The following THSD7B variants were observed in gnomAD, a reference collection of about 807,000 sequenced individuals.
THSD7B encodes the protein thrombospondin type-1 domain-containing protein 7B.
A neutral mutation model predicts 213.6 loss-of-function variants in THSD7B; 138 were observed. The ratio of observed to expected loss-of-function variants is 0.65; its 90% CI spans 0.56 to 0.74. THSD7B has a LOEUF of 0.74. THSD7B is among the 30% of genes least tolerant of loss of function. THSD7B has a pLI of 0.00. For synonymous variants in THSD7B, 742 were observed against 687.0 expected (o/e 1.08, Z -1.25); for missense variants, 1,931 against 1,991.5 (o/e 0.97, Z 0.58).
chr2:137,532,567 A>T (rs1288601926), intron 15 of THSD7B, among the ~76,000 whole-genome samples: 3 of 151,848 alleles, frequency 2.0e-5, no homozygotes, highest in African/African-American at 7.2e-5. Context: ...AGTGCAAAAA[A>T]TTAAATGATT....
chr2:137,182,479 G>A (rs1166173703), intron 7 of THSD7B, among the ~76,000 whole-genome samples: 1 of 151,920 alleles, frequency 6.6e-6, no homozygotes, highest in African/African-American at 2.4e-5. Flanking sequence ...GTATGAAGCT[G>A]CCTATAGTGT....
At chr2:136,788,238 G>A (rs561375274) in intron 1 of THSD7B, among the ~76,000 whole-genome samples, 12 of 152,196 alleles carry the variant, frequency 7.9e-5, no homozygotes, top group African/African-American at 1.2e-4. Context: ...AGCTACTAGA[G>A]TTATGCATAC....
chr2:137,067,399 C>A (rs1687402391), intron 3 of THSD7B, among the ~76,000 whole-genome samples: 2 of 151,986 alleles, frequency 1.3e-5, no homozygotes, highest in East Asian at 1.9e-4. Flanking sequence ...CTTTGGTGTC[C>A]TTGTTTTTGT....
Position 137,371,284 on chromosome 2 carries a change from G to A in THSD7B, c.2501-34329G>A, listed in dbSNP as rs1477636187. Among the ~76,000 whole-genome samples, 3 of 152,048 alleles carry A rather than the reference G, an allele frequency of 2.0e-5. No homozygotes were observed. The East Asian group carries it at 5.8e-4, about 29-fold the overall frequency. ...GCAGGTTTCTGAGAAAGGATGTGGA[G>A]GTAAAATTTTTCTAATCACGAATAT... On this transcript the variant is annotated intron_variant, in intron 12 of 27. Transcript: ENST00000409968.
intron 2 of THSD7B, among the ~76,000 whole-genome samples, chr2:136,919,264 C>T (rs756240483): frequency 4.6e-5 from 7 of 152,182 alleles, no homozygotes; most frequent in Non-Finnish European, 8.8e-5. Context: ...AGTAATATCA[C>T]GGAGTATATT....
At chr2:137,156,965 T>C (rs1679922733) in intron 5 of THSD7B, among the ~76,000 whole-genome samples, 1 of 152,180 alleles carries the variant, frequency 6.6e-6, no homozygotes, top group Non-Finnish European at 1.5e-5. Context: ...AAGAGGGCAG[T>C]AATACAGCTT....
intron 15 of THSD7B, among the ~76,000 whole-genome samples, chr2:137,535,029 A>C (rs1680475234): frequency 6.6e-6 from 1 of 151,844 alleles, no homozygotes; most frequent in African/African-American, 2.4e-5. Flanking sequence ...GCAAATTTCA[A>C]GTATTCTTTA....
At chr2:137,076,004 G>T (rs1687614139) in intron 3 of THSD7B, among the ~76,000 whole-genome samples, 1 of 152,186 alleles carries the variant, frequency 6.6e-6, no homozygotes, top group Non-Finnish European at 1.5e-5. Flanking sequence ...CTACTGGGGG[G>T]TGCCTCCCAG....
At chr2:136,851,432 A>G (rs1683098124) in intron 1 of THSD7B, among the ~76,000 whole-genome samples, 1 of 152,058 alleles carries the variant, frequency 6.6e-6, no homozygotes, top group Admixed American at 6.6e-5. Flanking sequence ...TTCTCCAGTA[A>G]TACTTTCTGA....
chr2:137,559,725 A>G (rs964289333), intron 15 of THSD7B, among the ~76,000 whole-genome samples: 4 of 152,222 alleles, frequency 2.6e-5, no homozygotes, highest in African/African-American at 9.7e-5. Flanking sequence ...GGATCTAATT[A>G]CACTAAAGAG....
intron 12 of THSD7B, among the ~76,000 whole-genome samples, chr2:137,345,129 T>C (rs1267485871): frequency 6.6e-6 from 1 of 151,664 alleles, no homozygotes; most frequent in African/African-American, 2.4e-5. Context: ...TATCAAATAA[T>C]CTAATGGCAA....
chr2:136,958,523 G>A (rs1040308707), intron 2 of THSD7B, among the ~76,000 whole-genome samples: 1 of 152,172 alleles, frequency 6.6e-6, no homozygotes, highest in African/African-American at 2.4e-5. Flanking sequence ...GACTCAGATT[G>A]CTTTTGGCAT....
chr2:137,223,463 TA>T (rs1323812029), intron 7 of THSD7B, among the ~76,000 whole-genome samples: 3 of 152,084 alleles, frequency 2.0e-5, no homozygotes, highest in Non-Finnish European at 4.4e-5. Context: ...GAGATTGAGT[TA>T]AAAATGAAAT....
chr2:137,031,687 CAAATA>C (rs142496318), intron 2 of THSD7B, among the ~76,000 whole-genome samples: 87,816 of 151,522 alleles, frequency 0.58, 29,393 homozygotes, highest in Non-Finnish European at 0.73. Flanking sequence ...ATGTATTTGA[CAAATA>C]AAATAATAAC....
chr2:136,875,428 T>G (rs79996293), intron 1 of THSD7B, among the ~76,000 whole-genome samples: 3,662 of 152,122 alleles, frequency 0.024, 61 homozygotes, highest in East Asian at 0.072. Context: ...AAAAAATAAA[T>G]AAAGAAAGAA....
intron 5 of THSD7B, among the ~76,000 whole-genome samples, chr2:137,133,833 G>T (rs1392448062): frequency 6.6e-6 from 1 of 152,028 alleles, no homozygotes; most frequent in Non-Finnish European, 1.5e-5. Context: ...TTTCACTTTG[G>T]TACCAAAAGT....
intron 2 of THSD7B, among the ~76,000 whole-genome samples, chr2:136,943,963 A>T (rs1282264728): frequency 2.0e-5 from 3 of 151,826 alleles, no homozygotes; most frequent in African/African-American, 7.3e-5. Flanking sequence ...AGTTCTTTTA[A>T]TTGTGATGTT....
intron 2 of THSD7B, among the ~76,000 whole-genome samples, chr2:137,015,885 C>T (rs1686330582): frequency 6.6e-6 from 1 of 152,172 alleles, no homozygotes; most frequent in South Asian, 2.1e-4. Flanking sequence ...CTCAGTTCCC[C>T]TTTCCTCGAG....
chr2:137,639,306 G>T (rs1682893853), intron 20 of THSD7B, among the ~76,000 whole-genome samples: 1 of 152,222 alleles, frequency 6.6e-6, no homozygotes, highest in Non-Finnish European at 1.5e-5. Context: ...CTTCCATGTG[G>T]TGTTGAGCCT....
Sources: gnomAD v4.1 joint callset for allele counts (sites outside exome capture counted in the v4.1 genomes callset) on GRCh38, gnomAD v4.1.1 for gene constraint, MANE v1.5 for transcripts, NCBI Gene and HGNC (gene_info 2026-07-23, HGNC 2026-07-21) for gene names.